Variants in SLC9A4 observed in about 807,000 individuals in gnomAD.
SLC9A4 encodes the protein solute carrier family 9 member A4.
Under a neutral mutation model 67.4 loss-of-function variants are expected in SLC9A4, and 63 were observed. That is an observed-to-expected ratio of 0.93 (90% CI 0.76 to 1.15). The LOEUF is 1.15. Among genes scored for constraint, SLC9A4 ranks in the 50% most tolerant of loss-of-function variants. The pLI, the probability that SLC9A4 is intolerant of heterozygous loss-of-function variation, is 0.00. For missense variants in SLC9A4, 1,089 were observed against 987.7 expected, an observed-to-expected ratio of 1.10 and a Z score of -1.38; for synonymous variants, 393 against 367.2, an observed-to-expected ratio of 1.07 and a Z score of -0.80.
At position 102,528,291 on chromosome 2, in the gene SLC9A4, A is replaced by C. The variant is rs182715835; in HGVS notation, c.2038+1945A>C. On this transcript the variant is annotated intron_variant, in intron 11 of 11. Transcript: ENST00000295269. ...CCAAAGTGCTGGGATTACAGGCGTG[A>C]GCCACCGAGTCTGGTCGATAGTTTA... Among the ~76,000 whole-genome samples, 23 of 152,234 alleles carry C rather than the reference A, an allele frequency of 1.5e-4. No individual in the cohort carries two copies. The East Asian group carries it at 4.4e-3, about 29-fold the overall frequency.
At chr2:102,504,492 A>G (rs1399690738) in intron 3 of SLC9A4, among the ~76,000 whole-genome samples, 1 of 152,168 alleles carries the variant, frequency 6.6e-6, no homozygotes, top group Non-Finnish European at 1.5e-5. Flanking sequence ...TAATGAAAAT[A>G]TTTTTGAAAT....
intron 8 of SLC9A4, 122 bp downstream of exon 8, chr2:102,514,373 T>A (rs1685232053): frequency 1.6e-6 from 1 of 607,160 alleles, no homozygotes; most frequent in Non-Finnish European, 2.6e-6. Flanking sequence ...AAGAAATTAT[T>A]TTTAAAATAT....
intron 10 of SLC9A4, 88 bp from the exon 11 acceptor site, chr2:102,526,171 A>G: frequency 7.2e-7 from 1 of 1,380,076 alleles, no homozygotes; most frequent in Non-Finnish European, 1.0e-6. Flanking sequence ...TACAGGCGTG[A>G]GCCACAGTGT....
At chr2:102,496,652 T>A (rs1426725831) in intron 2 of SLC9A4, among the ~76,000 whole-genome samples, 1 of 152,214 alleles carries the variant, frequency 6.6e-6, no homozygotes, top group Non-Finnish European at 1.5e-5. Context: ...GTAGGACAAT[T>A]GTAGGGAAAG....
rs1674802892 is a variant in SLC9A4 at position 102,532,639 on chromosome 2, ACGG to A, written c.2350_2352del (p.Gly784del). ...TCGAGGTGGACAGCTGACCATGGACACGGCAGGGACCATCACAGGTCCCATAGT... is the reference window on the plus strand; with the variant it reads ...TCGAGGTGGACAGCTGACCATGGACACAGGGACCATCACAGGTCCCATAGT... On this transcript the variant is annotated inframe_deletion, in exon 12 of 12. Coordinates refer to ENST00000295269, the MANE Select transcript of SLC9A4 (RefSeq NM_001011552.4). 6.2e-7 allele frequency: 1 copy of A among 1,613,972 alleles called. No homozygotes were observed. Among genetic ancestry groups the A allele is most frequent in the Non-Finnish European group, 8.5e-7 (1 of 1,180,012 alleles).
intron 2 of SLC9A4, among the ~76,000 whole-genome samples, chr2:102,486,050 C>T (rs548512385): frequency 6.6e-6 from 1 of 152,292 alleles, no homozygotes; most frequent in East Asian, 1.9e-4. Context: ...GCAAATTTTC[C>T]TTCATGATTC....
intron 2 of SLC9A4, among the ~76,000 whole-genome samples, chr2:102,501,529 G>A (rs1418744526): frequency 1.3e-5 from 2 of 152,124 alleles, no homozygotes; most frequent in African/African-American, 4.8e-5. Flanking sequence ...ACAGGCATGA[G>A]CCACCACGCC....
chr2:102,530,296 TG>T (rs1284451093), intron 11 of SLC9A4, among the ~76,000 whole-genome samples: 1 of 152,140 alleles, frequency 6.6e-6, no homozygotes, highest in Non-Finnish European at 1.5e-5. Context: ...TTAAGGCTTT[TG>T]GTCAGGTGGG....
At chr2:102,514,495 T>C (rs773854104) in intron 8 of SLC9A4, among the ~76,000 whole-genome samples, 1 of 152,246 alleles carries the variant, frequency 6.6e-6, no homozygotes, top group Non-Finnish European at 1.5e-5. Context: ...ATGACATCTT[T>C]CTTTGGGAGG....
chr2:102,508,201 C>A lies in SLC9A4; in HGVS notation c.1321C>A (p.Leu441Ile). The A allele has an allele frequency of 6.2e-7, 1 of 1,614,160 alleles. No individual in the cohort carries two copies. Among genetic ancestry groups the A allele is most frequent in the Non-Finnish European group, 8.5e-7 (1 of 1,180,030 alleles). Residue 441 changes from leucine to isoleucine, a missense_variant, in exon 5 of 12, where the codon CTT becomes ATT. By Grantham distance (5) the Leu-to-Ile change is conservative. Coordinates refer to ENST00000295269, the MANE Select transcript of SLC9A4 (RefSeq NM_001011552.4). ...TGGAAGTTTTTCACTTGCATTTTTG[C>A]TTCCTCTGTCTCTTTTTCCTAGGAA... Reference protein sequence around the residue: ...GAGSFSLAFLLPLSLFPRKKM... With the variant: ...GAGSFSLAFLIPLSLFPRKKM...
At chr2:102,481,461 T>A (rs539701558) in intron 2 of SLC9A4, among the ~76,000 whole-genome samples, 2 of 152,150 alleles carry the variant, frequency 1.3e-5, no homozygotes, top group Non-Finnish European at 2.9e-5. Flanking sequence ...CCTTTCTGGG[T>A]TGACAAACTT....
At chr2:102,530,725 C>T (rs1159373640) in intron 11 of SLC9A4, among the ~76,000 whole-genome samples, 1 of 152,096 alleles carries the variant, frequency 6.6e-6, no homozygotes, top group Non-Finnish European at 1.5e-5. Flanking sequence ...GAACTGGTCC[C>T]AGGCCTTGTT....
intron 8 of SLC9A4, among the ~76,000 whole-genome samples, chr2:102,515,733 A>C (rs991065528): frequency 6.6e-6 from 1 of 152,046 alleles, no homozygotes; most frequent in African/African-American, 2.4e-5. Context: ...TACCTTAGTT[A>C]CTGAGTTTTT....
rs1227620350 is a variant in SLC9A4, at chr2:102,473,365, A to G, written c.-395A>G. 9.2e-6 allele frequency: 2 copies of G among 217,730 alleles called. No homozygotes were observed. The highest frequency in any genetic ancestry group is 1.9e-5 in the Non-Finnish European group (2 of 107,674). 13.5% of individuals were successfully genotyped at this position (217,730 alleles called of 1,614,324 possible). ...CAGTGATCTGTGGAATGAGCACTAC[A>G]GTATCCTTTTAAATTTTCACCCACA... On this transcript the variant is annotated 5_prime_UTR_variant, in exon 1 of 12. Transcript: ENST00000295269.
At chr2:102,499,998 C>T (rs1169880848) in intron 2 of SLC9A4, among the ~76,000 whole-genome samples, 2 of 152,138 alleles carry the variant, frequency 1.3e-5, no homozygotes, top group African/African-American at 4.8e-5. Flanking sequence ...TTTATAAAAG[C>T]TGTACTGGCT....
rs115520853 is a variant in SLC9A4, at chr2:102,533,090, C to T, written c.*402C>T. ...AGAACTAGAAGAGACTTTGAAGTCACCTGACTCAGCCCCTTGTGTTTACAG... is the reference window on the plus strand; with the variant it reads ...AGAACTAGAAGAGACTTTGAAGTCATCTGACTCAGCCCCTTGTGTTTACAG... On this transcript the variant is annotated 3_prime_UTR_variant, in exon 12 of 12. Coordinates refer to ENST00000295269, the MANE Select transcript of SLC9A4 (RefSeq NM_001011552.4). 2,507 of 166,748 alleles carry T rather than the reference C, an allele frequency of 0.015. 86 individuals are homozygous for T. Among genetic ancestry groups the T allele is most frequent in the African/African-American group, 0.056 (2,361 of 41,990 alleles). 10.3% of individuals were successfully genotyped at this position (166,748 alleles called of 1,614,324 possible).
chr2:102,478,519 G>A (rs1018914013), intron 1 of SLC9A4, among the ~76,000 whole-genome samples: 2 of 152,204 alleles, frequency 1.3e-5, no homozygotes, highest in Non-Finnish European at 2.9e-5. Flanking sequence ...GGGCTTGCAC[G>A]AGTGCAAAAG....
At position 102,521,861 on chromosome 2, in the gene SLC9A4, G is replaced by A. The variant is rs553268804; in HGVS notation, c.1818+1906G>A. On this transcript the variant is annotated intron_variant, in intron 9 of 11. Coordinates refer to ENST00000295269, the MANE Select transcript of SLC9A4 (RefSeq NM_001011552.4). ...ATCTTGGGCGTCGGGATTTACCTCA[G>A]AGCAGGACCAGGATGAATGCAGAGT... is the stretch of plus-strand genomic sequence containing the variant. 2.3e-4 allele frequency among the ~76,000 whole-genome samples: 35 copies of A among 152,310 alleles called. No individual in the cohort carries two copies. In the South Asian group the frequency reaches 5.4e-3, roughly 23 times the overall value.
intron 9 of SLC9A4, among the ~76,000 whole-genome samples, chr2:102,522,818 A>C (rs570745398): frequency 6.6e-6 from 1 of 152,304 alleles, no homozygotes; most frequent in African/African-American, 2.4e-5. Context: ...CATATTTCAA[A>C]ATGTCTTCAA....
Sources: allele counts gnomAD v4.1 joint callset (sites outside exome capture counted in the v4.1 genomes callset), GRCh38; gene constraint gnomAD v4.1.1; transcripts MANE v1.5; gene names NCBI Gene and HGNC (gene_info 2026-07-23, HGNC 2026-07-21).